The following LPA variants were observed in gnomAD, a reference collection of about 807,000 sequenced individuals.
LPA encodes the protein lipoprotein(a), also known as apolipoprotein(a).
Under a neutral mutation model 197.9 loss-of-function variants are expected in LPA, and 199 were observed. The observed-to-expected ratio is 1.01, with a 90% CI of 0.90 to 1.13. The LOEUF is 1.13. LPA is among the 50% of genes most tolerant of loss of function. The pLI is 0.00. For missense variants in LPA, 1,853 were observed against 1,785.8 expected (o/e 1.04, Z -0.68); for synonymous variants, 715 against 639.5 (o/e 1.12, Z -1.78).
chr6:160,664,042 T>C, intron 1 of LPA, 124 bp downstream of exon 1: 1 of 1,271,924 alleles, frequency 7.9e-7, no homozygotes, highest in East Asian at 2.5e-5. Flanking sequence ...ATATACAAGA[T>C]TTTGAACTGG....
chr6:160,544,257 G>A (rs570544278), intron 33 of LPA, among the ~76,000 whole-genome samples: 2 of 152,192 alleles, frequency 1.3e-5, no homozygotes, highest in South Asian at 4.2e-4. Flanking sequence ...GCAGTGGCGT[G>A]TACTAGATGG....
intron 24 of LPA, among the ~76,000 whole-genome samples, chr6:160,587,757 G>GTGTT (rs891033451): frequency 4.3e-5 from 4 of 93,436 alleles, no homozygotes; most frequent in African/African-American, 1.6e-4. Flanking sequence ...GTCTTTGTGT[G>GTGTT]TGTGTGTGTG....
At chr6:160,540,886 G>A (rs1203534650) in intron 35 of LPA, among the ~76,000 whole-genome samples, 1 of 152,136 alleles carries the variant, frequency 6.6e-6, no homozygotes, top group Non-Finnish European at 1.5e-5. Context: ...TCCCTCTGCA[G>A]ATTCCCTCTA....
In LPA at chr6:160,599,568, T is replaced by C. The variant is rs1779198320; in HGVS notation, c.3219A>G (p.Arg1073=). 8 of 1,614,098 alleles carry C rather than the reference T, an allele frequency of 5.0e-6. No individual in the cohort carries two copies. The highest frequency in any genetic ancestry group is 6.8e-6 in the Non-Finnish European group (8 of 1,179,970). ...RGTYSTTVTG[R]TCQAWSSMTP... ...TCATAGATGACCAAGCTTGGCAAGTTCTTCCTGTGACAGTGGTGGAGTATG... is the reference window on the plus strand; with the variant it reads ...TCATAGATGACCAAGCTTGGCAAGTCCTTCCTGTGACAGTGGTGGAGTATG... The change falls in exon 20 of 39, where the codon AGA becomes AGG. Residue 1073 remains arginine (R), a synonymous_variant. Coordinates refer to ENST00000316300, the MANE Select transcript of LPA (RefSeq NM_005577.4).
At chr6:160,647,703 G>A (rs1046335212) in intron 2 of LPA, among the ~76,000 whole-genome samples, 6 of 152,036 alleles carry the variant, frequency 3.9e-5, no homozygotes, top group African/African-American at 9.7e-5. Context: ...ACATACTATC[G>A]TGCATGAGGT....
At chr6:160,593,042 A>G (rs1212966124) in intron 22 of LPA, among the ~76,000 whole-genome samples, 1 of 152,138 alleles carries the variant, frequency 6.6e-6, no homozygotes, top group Non-Finnish European at 1.5e-5. Flanking sequence ...AAGCCTTGAG[A>G]AGACTTCGGT....
rs747759983 is a variant in LPA at position 160,585,028 on chromosome 6, C to G, written c.4289+18G>C. On this transcript the variant is annotated intron_variant, in intron 26 of 38. Coordinates refer to ENST00000316300, the MANE Select transcript of LPA (RefSeq NM_005577.4). ...TAGTTGACTATTGTTCCTTTTATGG[C>G]TAACATGATAGACATACGCATTTGG... is the stretch of plus-strand genomic sequence containing the variant. The G allele has an allele frequency of 1.8e-5, 29 of 1,613,216 alleles. No individual in the cohort carries two copies. The highest frequency in any genetic ancestry group is 3.3e-5 in the Admixed American group (2 of 59,990).
rs546356061 is a variant in LPA at position 160,610,403 on chromosome 6, G to C, written c.2603+1159C>G. ...GTACTTTGAAATTATGGCTGTTCTG[G>C]GGTCTCCACTGAATTGGCAATGTGT... On this transcript the variant is annotated intron_variant, in intron 16 of 38. Transcript: ENST00000316300. 1.8e-3 allele frequency among the ~76,000 whole-genome samples: 273 copies of C among 152,154 alleles called. 2 individuals are homozygous for C. Among genetic ancestry groups the C allele is most frequent in the African/African-American group, 6.2e-3 (256 of 41,456 alleles).
Position 160,599,622 on chromosome 6 carries a change from G to A in LPA, c.3165C>T (p.Tyr1055=), listed in dbSNP as rs756718229. 1.4e-5 allele frequency: 22 copies of A among 1,613,988 alleles called. No individual in the cohort carries two copies. The highest frequency in any genetic ancestry group is 1.6e-4 in the Middle Eastern group (1 of 6,082). Residue 1055 remains tyrosine (Y), a synonymous_variant, in exon 20 of 39, where the codon TAC becomes TAT. Transcript: ENST00000316300. ...CTCGGTAACTCTGTCCATAATGGTA[G>A]TAGCAGTCCTGTACCCCGGGGGTTT... is the stretch of plus-strand genomic sequence containing the variant. ...TEETPGVQDC[Y]YHYGQSYRGT...
chr6:160,557,247 C>A, intron 29 of LPA, 143 bp downstream of exon 29: 2 of 1,022,552 alleles, frequency 2.0e-6, no homozygotes, highest in Non-Finnish European at 1.5e-6. Context: ...AATTGCTCCA[C>A]CAGAGAGAGT....
intron 28 of LPA, among the ~76,000 whole-genome samples, chr6:160,562,749 G>A (rs1399685810): frequency 6.6e-6 from 1 of 152,142 alleles, no homozygotes; most frequent in Non-Finnish European, 1.5e-5. Flanking sequence ...TTCAGAACTT[G>A]TTATTGGTCT....
intron 1 of LPA, among the ~76,000 whole-genome samples, chr6:160,661,117 C>T (rs777920109): frequency 6.7e-6 from 1 of 150,258 alleles, no homozygotes; most frequent in Non-Finnish European, 1.5e-5. Flanking sequence ...CAGCAGCCCT[C>T]TTCCAAGCCT....
intron 28 of LPA, among the ~76,000 whole-genome samples, chr6:160,567,503 G>A (rs1778478987): frequency 6.6e-6 from 1 of 151,990 alleles, no homozygotes; most frequent in Non-Finnish European, 1.5e-5. Flanking sequence ...CAGTGTGTAG[G>A]GGGAGATTTA....
At chr6:160,566,939 G>A (rs1223928022) in intron 28 of LPA, among the ~76,000 whole-genome samples, 1 of 152,100 alleles carries the variant, frequency 6.6e-6, no homozygotes, top group East Asian at 1.9e-4. Context: ...AACAAGAAGA[G>A]CTAACTATCC....
chr6:160,592,690 T>A (rs1779052931), intron 22 of LPA, among the ~76,000 whole-genome samples: 1 of 152,222 alleles, frequency 6.6e-6, no homozygotes, highest in South Asian at 2.1e-4. Context: ...TTTACTTTTT[T>A]CTGGAAGGCA....
intron 28 of LPA, among the ~76,000 whole-genome samples, chr6:160,572,184 G>T (rs895761994): frequency 1.2e-4 from 18 of 152,116 alleles, no homozygotes; most frequent in African/African-American, 4.3e-4. Flanking sequence ...CCTGCTTCAG[G>T]TCACCCTCTG....
In LPA at chr6:160,565,731, C is replaced by G. The variant is rs59112254; in HGVS notation, c.4632-8160G>C. On this transcript the variant is annotated intron_variant, in intron 28 of 38. Coordinates refer to ENST00000316300, the MANE Select transcript of LPA (RefSeq NM_005577.4). ...GACGATCTGTAATAACAAATTTCTC[C>G]GAGCTAAAGAAGGATGTTCGAACCC... Among the ~76,000 whole-genome samples, 809 of 152,176 alleles carry G rather than the reference C, an allele frequency of 5.3e-3. 8 individuals are homozygous for G. Among genetic ancestry groups the G allele is most frequent in the African/African-American group, 0.019 (771 of 41,512 alleles).
chr6:160,650,395 G>A lies in LPA; in HGVS notation c.152C>T (p.Ala51Val), dbSNP rs755876095. The A allele has an allele frequency of 1.2e-6, 2 of 1,613,778 alleles. No homozygotes were observed. The highest frequency in any genetic ancestry group is 1.3e-5 in the African/African-American group (1 of 74,902). The change falls in exon 2 of 39, where the codon GCT becomes GTT. Residue 51 changes from alanine (A) to valine (V), a missense_variant. Ala to Val is a moderately conservative substitution (Grantham distance 64, BLOSUM62 0). Around this residue, in one of 3 missense-constraint regions of LPA, gnomAD observed 88 missense variants for 83.0 expected, o/e 1.06. Transcript: ENST00000316300. Reference sequence around the variant, plus strand: ...TTGATGTGGTGTCATAGATGACCAAGCTTGGCAGGTCCTTCCTGTGACAGT... The same window carrying A: ...TTGATGTGGTGTCATAGATGACCAAACTTGGCAGGTCCTTCCTGTGACAGT... ...STTVTGRTCQ[A>V]WSSMTPHQHN...
intron 26 of LPA, among the ~76,000 whole-genome samples, chr6:160,579,909 T>A (rs534316099): frequency 6.6e-6 from 1 of 152,222 alleles, no homozygotes; most frequent in Non-Finnish European, 1.5e-5. Flanking sequence ...TAGAGTGAGA[T>A]GCACAGATCT....
Sources: allele counts gnomAD v4.1 joint callset (sites outside exome capture counted in the v4.1 genomes callset), GRCh38; gene constraint gnomAD v4.1.1; regional missense constraint gnomAD v4.1.1; transcripts MANE v1.5; gene names NCBI Gene and HGNC (gene_info 2026-07-23, HGNC 2026-07-21).